The following UNC80 variants were observed in gnomAD, a reference collection of about 807,000 sequenced individuals.
UNC80 encodes the protein unc-80 subunit of NALCN channel complex, also known as protein unc-80 homolog.
UNC80 carries 164 observed loss-of-function variants against 384.6 expected under a neutral mutation model. The ratio of observed to expected loss-of-function variants is 0.43; its 90% CI spans 0.38 to 0.49. UNC80 has a LOEUF of 0.49. Ranked by LOEUF, UNC80 falls within the 20% of genes least tolerant of loss-of-function variation. UNC80 has a pLI of 0.00. For synonymous variants in UNC80, 1,486 were observed against 1,527.8 expected, an observed-to-expected ratio of 0.97 and a Z score of 0.64; for missense variants, 3,330 against 4,143.0, an observed-to-expected ratio of 0.80 and a Z score of 5.39.
intron 13 of UNC80, among the ~76,000 whole-genome samples, chr2:209,824,638 A>G (rs1475094325): frequency 6.6e-6 from 1 of 152,110 alleles, no homozygotes; most frequent in African/African-American, 2.4e-5. Flanking sequence ...AGCACTTGGA[A>G]TAGCTCAGAG....
At chr2:209,842,541 T>C in intron 21 of UNC80, 95 bp downstream of exon 21, 1 of 911,830 alleles carries the variant, frequency 1.1e-6, no homozygotes, top group East Asian at 2.6e-5. Context: ...TTTTCATTGG[T>C]TTTTCATTCA....
intron 61 of UNC80, among the ~76,000 whole-genome samples, chr2:209,987,098 T>C (rs1436521487): frequency 6.6e-6 from 1 of 152,100 alleles, no homozygotes; most frequent in Non-Finnish European, 1.5e-5. Context: ...GAAGCATATC[T>C]AAGGGAAAAT....
intron 6 of UNC80, among the ~76,000 whole-genome samples, chr2:209,791,929 A>G (rs897937951): frequency 2.0e-5 from 3 of 149,206 alleles, no homozygotes; most frequent in Non-Finnish European, 3.0e-5. Flanking sequence ...CTCTAGGCCC[A>G]TGTGGCTATT....
intron 6 of UNC80, among the ~76,000 whole-genome samples, chr2:209,790,198 G>A (rs2077708747): frequency 6.6e-6 from 1 of 152,066 alleles, no homozygotes; most frequent in Non-Finnish European, 1.5e-5. Flanking sequence ...AATGAAGTCC[G>A]GAGTAATTGA....
intron 29 of UNC80, among the ~76,000 whole-genome samples, chr2:209,911,556 C>A (rs1469335311): frequency 6.6e-6 from 1 of 152,182 alleles, no homozygotes; most frequent in Non-Finnish European, 1.5e-5. Context: ...CTTGGAATAT[C>A]CATGCACTTT....
At chr2:209,908,402 C>A (rs1287933123) in intron 29 of UNC80, among the ~76,000 whole-genome samples, 2 of 152,170 alleles carry the variant, frequency 1.3e-5, no homozygotes, top group Non-Finnish European at 2.9e-5. Context: ...TTTTAGTGTA[C>A]TTCCAAAATT....
intron 7 of UNC80, chr2:209,809,316 G>A (rs968875267): frequency 1.0e-5 from 8 of 766,924 alleles, no homozygotes; most frequent in Admixed American, 1.8e-5. Context: ...GAAGCCACAC[G>A]CTGCCCTTCG....
At chr2:209,973,646 A>G (rs1288177826) in intron 56 of UNC80, among the ~76,000 whole-genome samples, 1 of 152,218 alleles carries the variant, frequency 6.6e-6, no homozygotes, top group African/African-American at 2.4e-5. Flanking sequence ...CTGATTAAGT[A>G]CCAGATCACT....
At chr2:209,809,558 G>T in intron 7 of UNC80, 2 of 905,394 alleles carry the variant, frequency 2.2e-6, no homozygotes. Context: ...CAAGAGTCGG[G>T]CTGCTCAGGG....
At position 209,903,316 on chromosome 2, in the gene UNC80, T is replaced by G. The variant is rs554175545; in HGVS notation, c.4582-1449T>G. ...GTGTATATACAATATATATATTATA[T>G]TATATGTGTGTGTGTGTGTGTGTGT... On this transcript the variant is annotated intron_variant, in intron 28 of 64. Transcript: ENST00000673920. 1.3e-3 allele frequency among the ~76,000 whole-genome samples: 99 copies of G among 73,558 alleles called. 1 individual carries two copies. The highest frequency in any genetic ancestry group is 0.013 in the Admixed American group (67 of 5,130). The allele number at this position is 73,558 out of a possible 152,430, so 48.3% of individuals were successfully genotyped here.
intron 11 of UNC80, among the ~76,000 whole-genome samples, chr2:209,818,290 T>G (rs1375680462): frequency 6.6e-6 from 1 of 152,080 alleles, no homozygotes; most frequent in African/African-American, 2.4e-5. Flanking sequence ...CTGAAGGGCT[T>G]GTATACCTTC....
intron 15 of UNC80, among the ~76,000 whole-genome samples, chr2:209,829,700 T>C (rs568103721): frequency 1.3e-5 from 2 of 152,282 alleles, no homozygotes; most frequent in Non-Finnish European, 1.5e-5. Context: ...TTCTGTTATA[T>C]GACCTCTGAG....
intron 44 of UNC80, 103 bp downstream of exon 44, chr2:209,941,592 C>CATCT (rs2091636617): frequency 7.9e-7 from 1 of 1,266,530 alleles, no homozygotes; most frequent in Non-Finnish European, 1.0e-6. Context: ...ATGGTGTTAT[C>CATCT]ATCTTCTTTT....
In UNC80 at chr2:209,904,790, A is replaced by G. The variant is rs1304514825; in HGVS notation, c.4607A>G (p.Gln1536Arg). 6.4e-7 allele frequency: 1 copy of G among 1,552,032 alleles called. No homozygotes were observed. Among genetic ancestry groups the G allele is most frequent in the Non-Finnish European group, 8.7e-7 (1 of 1,147,062 alleles). ...LHVMILLCNQ[Q>R]SFICTHVDYC... ...GTGATGATCTTGCTGTGCAATCAGCAGAGTTTCATCTGCACTCACGTTGAC... is the reference window on the plus strand; with the variant it reads ...GTGATGATCTTGCTGTGCAATCAGCGGAGTTTCATCTGCACTCACGTTGAC... Residue 1536 changes from glutamine (Q) to arginine (R), a missense_variant, in exon 29 of 65, where the codon CAG becomes CGG. This residue lies in a region of UNC80 where 801 missense variants were observed against 950.8 expected (regional missense o/e 0.84). Coordinates refer to ENST00000673920, the MANE Select transcript of UNC80 (RefSeq NM_001371986.1).
chr2:209,892,717 G>A (rs912636422), intron 26 of UNC80, among the ~76,000 whole-genome samples: 3 of 152,122 alleles, frequency 2.0e-5, no homozygotes, highest in Non-Finnish European at 2.9e-5. Flanking sequence ...AATTGCACTC[G>A]TAGTCATTAC....
At chr2:209,921,774 T>C (rs1168154816) in intron 34 of UNC80, 88 bp downstream of exon 34, 1 of 1,320,454 alleles carries the variant, frequency 7.6e-7, no homozygotes, top group Non-Finnish European at 1.0e-6. Flanking sequence ...TTATGTGACA[T>C]GAGGTGATAT....
chr2:209,942,301 G>C (rs1476687182), intron 44 of UNC80, among the ~76,000 whole-genome samples: 1 of 152,192 alleles, frequency 6.6e-6, no homozygotes, highest in African/African-American at 2.4e-5. Flanking sequence ...CAAAAAGGTT[G>C]GGGACCACTG....
At chr2:209,982,448 A>G in intron 60 of UNC80, 131 bp downstream of exon 60, 1 of 1,182,470 alleles carries the variant, frequency 8.5e-7, no homozygotes, top group Middle Eastern at 2.6e-4. Context: ...AGATCATTCC[A>G]CAAAGGATTT....
At position 209,984,980 on chromosome 2, in the gene UNC80, G is replaced by A. The variant is rs1040910778; in HGVS notation, c.9314+68G>A. On this transcript the variant is annotated intron_variant, in intron 61 of 64. Transcript: ENST00000673920. Reference sequence around the variant, plus strand: ...AAACTAGCTGTTCCCTGTCTCCTCTGTCTCTCTGTCTTCTCTGTCTCTTCT... The same window carrying A: ...AAACTAGCTGTTCCCTGTCTCCTCTATCTCTCTGTCTTCTCTGTCTCTTCT... 9 of 1,334,352 alleles carry A rather than the reference G, an allele frequency of 6.7e-6. No individual in the cohort carries two copies. In the Middle Eastern group the frequency reaches 1.3e-3, roughly 188 times the overall value. The allele number at this position is 1,334,352 out of a possible 1,614,324, so 82.7% of individuals were successfully genotyped here.
Sources: allele counts gnomAD v4.1 joint callset (sites outside exome capture counted in the v4.1 genomes callset), GRCh38; gene constraint gnomAD v4.1.1; regional missense constraint gnomAD v4.1.1; transcripts MANE v1.5; gene names NCBI Gene and HGNC (gene_info 2026-07-23, HGNC 2026-07-21).